Variants in SLAMF6 observed in about 807,000 individuals in gnomAD.
SLAMF6 encodes SLAM family member 6.
A neutral mutation model predicts 38.3 loss-of-function variants in SLAMF6; 21 were observed. The observed-to-expected ratio is 0.55, with a 90% CI of 0.39 to 0.79. The LOEUF is 0.79. SLAMF6 is among the 30% of genes least tolerant of loss of function. SLAMF6 has a pLI of 0.00. For missense variants in SLAMF6, 341 were observed against 385.3 expected, an observed-to-expected ratio of 0.89 and a Z score of 0.96; for synonymous variants, 152 against 146.3, an observed-to-expected ratio of 1.04 and a Z score of -0.28.
intron 1 of SLAMF6, among the ~76,000 whole-genome samples, chr1:160,517,053 T>C (rs1372643481): frequency 6.6e-6 from 1 of 152,096 alleles, no homozygotes; most frequent in Non-Finnish European, 1.5e-5. Context: ...CAGAAGAAAC[T>C]ATTATCAGAG....
At chr1:160,523,102 G>A in intron 1 of SLAMF6, 42 bp downstream of exon 1, 1 of 1,589,070 alleles carries the variant, frequency 6.3e-7, no homozygotes, top group Non-Finnish European at 8.6e-7. Context: ...CACAAAACCA[G>A]GGAGTCACTC....
At chr1:160,490,261 A>G in intron 4 of SLAMF6, 25 bp from the exon 5 acceptor site, 4 of 1,613,088 alleles carry the variant, frequency 2.5e-6, no homozygotes. Context: ...CAGAAAATTG[A>G]AATGTGTGAC....
chr1:160,499,065 C>T (rs1653744366), intron 1 of SLAMF6, among the ~76,000 whole-genome samples: 1 of 152,114 alleles, frequency 6.6e-6, no homozygotes, highest in Non-Finnish European at 1.5e-5. Flanking sequence ...CTATAGTTTA[C>T]TTAGGTTCCA....
chr1:160,490,101 C>T, intron 5 of SLAMF6, 97 bp downstream of exon 5: 1 of 1,351,764 alleles, frequency 7.4e-7, no homozygotes, highest in Non-Finnish European at 1.1e-6. Flanking sequence ...CTGACTCCTT[C>T]CTCTGTCATT....
chr1:160,495,248 G>A (rs536104681), intron 2 of SLAMF6, among the ~76,000 whole-genome samples: 21 of 152,252 alleles, frequency 1.4e-4, no homozygotes, highest in Admixed American at 2.6e-4. Context: ...ATGTTTTCTG[G>A]TCTGATTGCC....
intron 1 of SLAMF6, among the ~76,000 whole-genome samples, chr1:160,504,855 C>T (rs1171211379): frequency 6.6e-6 from 1 of 152,130 alleles, no homozygotes; most frequent in Non-Finnish European, 1.5e-5. Flanking sequence ...CACATACATG[C>T]CTAGGGCAGG....
intron 1 of SLAMF6, among the ~76,000 whole-genome samples, chr1:160,519,055 G>A (rs971341587): frequency 6.6e-6 from 1 of 152,212 alleles, no homozygotes; most frequent in South Asian, 2.1e-4. Flanking sequence ...AATATTTTCA[G>A]GTCATGTATT....
Position 160,485,429 on chromosome 1 carries a change from A to G in SLAMF6, c.*1278T>C, listed in dbSNP as rs991356801. 1.3e-5 allele frequency: 2 copies of G among 152,190 alleles called. No homozygotes were observed. Among genetic ancestry groups the G allele is most frequent in the African/African-American group, 2.4e-5 (1 of 41,444 alleles). The allele number at this position is 152,190 out of a possible 1,614,324, so 9.4% of individuals were successfully genotyped here. A position where few individuals can be genotyped will look rare whatever the true frequency, so the allele number is the denominator to read the frequency against. On this transcript the variant is annotated 3_prime_UTR_variant, in exon 8 of 8. Coordinates refer to ENST00000368057, the MANE Select transcript of SLAMF6 (RefSeq NM_001184714.2). Reference sequence around the variant, plus strand: ...ACATATTTAAAATTAAACCTAAAGAATAGGAGGACCCCAGCAGGCAGAGGA... The same window carrying G: ...ACATATTTAAAATTAAACCTAAAGAGTAGGAGGACCCCAGCAGGCAGAGGA...
intron 1 of SLAMF6, among the ~76,000 whole-genome samples, chr1:160,501,578 G>A (rs958980872): frequency 1.8e-4 from 28 of 152,164 alleles, no homozygotes; most frequent in African/African-American, 6.8e-4. Flanking sequence ...ATCATGAACT[G>A]GGAAGAGTTG....
intron 5 of SLAMF6, among the ~76,000 whole-genome samples, chr1:160,489,849 A>G (rs1249551): frequency 0.058 from 8,763 of 152,242 alleles, 755 homozygotes; most frequent in African/African-American, 0.19. Context: ...TGATGCAGTC[A>G]GACAGTTTGG....
intron 2 of SLAMF6, among the ~76,000 whole-genome samples, chr1:160,492,709 C>G (rs146678897): frequency 2.6e-3 from 402 of 152,248 alleles, no homozygotes; most frequent in African/African-American, 9.3e-3. Context: ...CCGTTTTTCT[C>G]TCCCAAACCT....
chr1:160,518,025 A>G (rs1571318454), intron 1 of SLAMF6, among the ~76,000 whole-genome samples: 1 of 152,168 alleles, frequency 6.6e-6, no homozygotes, highest in Non-Finnish European at 1.5e-5. Context: ...AAATTAAAAG[A>G]AAGAAATGTA....
intron 2 of SLAMF6, among the ~76,000 whole-genome samples, chr1:160,492,700 C>T (rs1015465284): frequency 4.6e-5 from 7 of 152,136 alleles, no homozygotes; most frequent in Admixed American, 2.6e-4. Flanking sequence ...AAAGGACTCC[C>T]GTTTTTCTCT....
intron 1 of SLAMF6, among the ~76,000 whole-genome samples, chr1:160,511,310 A>G (rs192258426): frequency 2.0e-5 from 3 of 152,340 alleles, no homozygotes; most frequent in African/African-American, 4.8e-5. Context: ...ACACTTTCCA[A>G]TTTCAAAACT....
intron 2 of SLAMF6, among the ~76,000 whole-genome samples, chr1:160,492,515 T>C (rs1653357904): frequency 6.6e-6 from 1 of 152,138 alleles, no homozygotes; most frequent in Admixed American, 6.6e-5. Context: ...AATGAGACAG[T>C]GCCTAGTACA....
chr1:160,500,852 C>T (rs922362496), intron 1 of SLAMF6, among the ~76,000 whole-genome samples: 1 of 152,164 alleles, frequency 6.6e-6, no homozygotes, highest in East Asian at 1.9e-4. Flanking sequence ...TCTGGGCTTA[C>T]TCAGTGGCCT....
chr1:160,493,709 A>G (rs537835898), intron 2 of SLAMF6, among the ~76,000 whole-genome samples: 34 of 152,354 alleles, frequency 2.2e-4, no homozygotes, highest in African/African-American at 6.5e-4. Flanking sequence ...TCACGATACT[A>G]TAAAGATACT....
At chr1:160,508,240 A>G (rs1654290387) in intron 1 of SLAMF6, among the ~76,000 whole-genome samples, 2 of 152,174 alleles carry the variant, frequency 1.3e-5, no homozygotes, top group Non-Finnish European at 1.5e-5. Flanking sequence ...GAGGCATCTC[A>G]CTACCTGACT....
chr1:160,520,829 T>A (rs1055815148), intron 1 of SLAMF6, among the ~76,000 whole-genome samples: 1 of 152,198 alleles, frequency 6.6e-6, no homozygotes, highest in South Asian at 2.1e-4. Flanking sequence ...TTGCCCCACA[T>A]TTTTGCAACA....
Sources: allele counts gnomAD v4.1 joint callset (sites outside exome capture counted in the v4.1 genomes callset), GRCh38; gene constraint gnomAD v4.1.1; transcripts MANE v1.5; gene names NCBI Gene and HGNC (gene_info 2026-07-23, HGNC 2026-07-21).